DACH2: variants seen among roughly 807,000 people sequenced by gnomAD.
DACH2 encodes dachshund family transcription factor 2, also known as dachshund homolog 2.
DACH2 carries 17 observed loss-of-function variants against 35.8 expected under a neutral mutation model. The observed-to-expected ratio is 0.48, with a 90% CI of 0.33 to 0.71. The LOEUF (loss-of-function observed/expected upper bound fraction) is 0.71, where lower values mean the gene tolerates loss of function less well. Among genes scored for constraint, DACH2 ranks in the 30% least tolerant of loss-of-function variants. The probability of loss-of-function intolerance (pLI) is 0.02; values close to 1 mark genes in which losing one functional copy is unlikely to be tolerated. For synonymous variants in DACH2, 195 were observed against 177.3 expected (o/e 1.10, Z -0.79); for missense variants, 469 against 472.7 (o/e 0.99, Z 0.07).
At chrX:86,687,321 G>A (rs10481939) in intron 4 of DACH2, among the ~76,000 whole-genome samples, 20,777 of 110,558 alleles carry the variant, frequency 0.19, 1,530 homozygotes, top group East Asian at 0.48. Flanking sequence ...CTAGAGAAAT[G>A]CAAATCAAAA....
chrX:86,645,362 C>T (rs1281432524), intron 3 of DACH2, among the ~76,000 whole-genome samples: 1 of 108,628 alleles, frequency 9.2e-6, no homozygotes, highest in African/African-American at 3.3e-5. Flanking sequence ...AATTAAAATG[C>T]AAATCAAAAT....
intron 7 of DACH2, among the ~76,000 whole-genome samples, chrX:86,785,369 A>T (rs768281057): frequency 6.3e-5 from 7 of 111,732 alleles, no homozygotes; most frequent in Non-Finnish European, 1.1e-4. Context: ...AGCAGTGATT[A>T]AAAAAGAAAA....
rs964749037 is a variant in DACH2, at chrX:86,832,362, G to C, written c.*207G>C. On this transcript the variant is annotated 3_prime_UTR_variant, in exon 12 of 12. Transcript: ENST00000373125. ...CTTTGTTCTTGCATTAGACTGACCA[G>C]TTTAAAAATATGAACTAAAACCTAA... 11 of 355,620 alleles carry C rather than the reference G, an allele frequency of 3.1e-5. No individual in the cohort carries two copies. The highest frequency in any genetic ancestry group is 2.4e-4 in the African/African-American group (9 of 37,280). 29.3% of individuals were successfully genotyped at this position (355,620 alleles called of 1,213,427 possible).
intron 1 of DACH2, among the ~76,000 whole-genome samples, chrX:86,272,078 G>A (rs1202743057): frequency 9.0e-6 from 1 of 111,375 alleles, no homozygotes; most frequent in African/African-American, 3.3e-5. Context: ...GTGAGAACAT[G>A]TGGTATTTGA....
intron 1 of DACH2, among the ~76,000 whole-genome samples, chrX:86,214,110 A>G (rs185040579): frequency 1.4e-4 from 15 of 110,675 alleles, no homozygotes; most frequent in African/African-American, 4.9e-4. Context: ...TTGTCAACTC[A>G]AATGTACCAC....
chrX:86,439,728 T>C (rs1167246568), intron 2 of DACH2, among the ~76,000 whole-genome samples: 2 of 111,943 alleles, frequency 1.8e-5, no homozygotes, highest in Non-Finnish European at 3.8e-5. Context: ...ATTAATTTTA[T>C]ATTTTTCTTC....
At chrX:86,268,443 A>T (rs1447545671) in intron 1 of DACH2, among the ~76,000 whole-genome samples, 4 of 111,672 alleles carry the variant, frequency 3.6e-5, no homozygotes, top group Non-Finnish European at 5.6e-5. Context: ...GCCACATGGG[A>T]AATCAAAAGT....
chrX:86,674,177 T>G (rs1234324379), intron 4 of DACH2, among the ~76,000 whole-genome samples: 1 of 112,276 alleles, frequency 8.9e-6, no homozygotes, highest in Non-Finnish European at 1.9e-5. Context: ...TTGGTTAGTG[T>G]CAAAATTTAT....
chrX:86,730,232 A>G (rs191781400), intron 6 of DACH2, among the ~76,000 whole-genome samples: 1 of 111,627 alleles, frequency 9.0e-6, no homozygotes, highest in African/African-American at 3.2e-5. Flanking sequence ...AGAATATATC[A>G]AGATAATAAA....
At chrX:86,689,418 G>A (rs896329912) in intron 4 of DACH2, among the ~76,000 whole-genome samples, 6 of 105,256 alleles carry the variant, frequency 5.7e-5, no homozygotes, top group Non-Finnish European at 1.2e-4. Flanking sequence ...ACACCTCCCC[G>A]CTACACACAC....
At chrX:86,260,686 T>C (rs2033609310) in intron 1 of DACH2, among the ~76,000 whole-genome samples, 1 of 112,163 alleles carries the variant, frequency 8.9e-6, no homozygotes, top group Non-Finnish European at 1.9e-5. Flanking sequence ...TCCAAAGATC[T>C]CATTTAATCC....
chrX:86,539,291 T>C (rs1314216438), intron 3 of DACH2, among the ~76,000 whole-genome samples: 3 of 111,557 alleles, frequency 2.7e-5, no homozygotes, highest in Non-Finnish European at 5.7e-5. Context: ...CTTTCTGCCA[T>C]GATTGTAAGT....
intron 1 of DACH2, among the ~76,000 whole-genome samples, chrX:86,203,274 T>A (rs145006343): frequency 2.7e-5 from 3 of 111,119 alleles, no homozygotes; most frequent in Non-Finnish European, 5.7e-5. Flanking sequence ...AATTAGAAGA[T>A]TGCATTTGTA....
chrX:86,550,563 T>A (rs1342828399), intron 3 of DACH2, among the ~76,000 whole-genome samples: 1 of 111,263 alleles, frequency 9.0e-6, no homozygotes, highest in Non-Finnish European at 1.9e-5. Context: ...TAGGGCCATG[T>A]CATGAGGTCC....
chrX:86,624,049 AAAAAACAAAAC>A (rs767827488), intron 3 of DACH2, among the ~76,000 whole-genome samples: 8,858 of 76,925 alleles, frequency 0.12, 908 homozygotes, highest in East Asian at 0.32. Flanking sequence ...CTCCGTCTCA[AAAAAACAAAAC>A]AAAAAAAAAA....
intron 4 of DACH2, among the ~76,000 whole-genome samples, chrX:86,656,438 A>T (rs1230669819): frequency 9.0e-6 from 1 of 111,025 alleles, no homozygotes; most frequent in Non-Finnish European, 1.9e-5. Context: ...GAGATCTGGC[A>T]CTGATTCATA....
intron 2 of DACH2, among the ~76,000 whole-genome samples, chrX:86,485,689 A>G (rs2038009091): frequency 9.0e-6 from 1 of 111,681 alleles, no homozygotes; most frequent in African/African-American, 3.3e-5. Flanking sequence ...TTTATAGTTT[A>G]TAGTAAATCA....
intron 1 of DACH2, among the ~76,000 whole-genome samples, chrX:86,274,507 T>A (rs2033877878): frequency 4.5e-4 from 1 of 2,205 alleles, no homozygotes; most frequent in Admixed American, 8.9e-3. Context: ...TTTTTTTTTT[T>A]TTTTTTGAGA....
chrX:86,626,906 G>C (rs1387340918), intron 3 of DACH2, among the ~76,000 whole-genome samples: 1 of 112,609 alleles, frequency 8.9e-6, no homozygotes, highest in Non-Finnish European at 1.9e-5. Flanking sequence ...GAAGACCTCT[G>C]ACATGTCCTG....
Sources: allele counts gnomAD v4.1 joint callset (sites outside exome capture counted in the v4.1 genomes callset), GRCh38; gene constraint gnomAD v4.1.1; transcripts MANE v1.5; gene names NCBI Gene and HGNC (gene_info 2026-07-23, HGNC 2026-07-21).